Variants in ZNF292 observed in about 807,000 individuals in gnomAD.
ZNF292 encodes 16 zinc-finger domain protein.
In ZNF292, 26 loss-of-function variants were observed where a neutral mutation model predicts 217.9. That is an observed-to-expected ratio of 0.12 (90% confidence interval 0.09 to 0.17). The LOEUF (loss-of-function observed/expected upper bound fraction) is 0.17. Ranked by LOEUF, ZNF292 falls within the 10% of genes least tolerant of loss-of-function variation. The probability of loss-of-function intolerance (pLI) is 1.00; values close to 1 mark genes in which losing one functional copy is unlikely to be tolerated. For missense variants in ZNF292, 2,904 were observed against 3,175.2 expected, an observed-to-expected ratio of 0.91 and a Z score of 2.05; for synonymous variants, 1,257 against 1,124.1, an observed-to-expected ratio of 1.12 and a Z score of -2.37.
intron 1 of ZNF292, among the ~76,000 whole-genome samples, chr6:87,215,590 C>T (rs947800946): frequency 7.2e-5 from 11 of 152,054 alleles, no homozygotes; most frequent in African/African-American, 2.4e-4. Flanking sequence ...GTTACTTGCT[C>T]AGATGTCTTT....
At chr6:87,186,774 G>A (rs565708282) in intron 1 of ZNF292, among the ~76,000 whole-genome samples, 51 of 152,168 alleles carry the variant, frequency 3.4e-4, no homozygotes, top group Non-Finnish European at 4.9e-4. Context: ...CAGGTGATTC[G>A]GAGGAAGGAT....
intron 1 of ZNF292, among the ~76,000 whole-genome samples, chr6:87,185,657 T>C (rs12664578): frequency 0.63 from 95,800 of 151,956 alleles, 31,787 homozygotes; most frequent in African/African-American, 0.85. Context: ...TTGATAGAGA[T>C]GGGGTTTCAC....
chr6:87,192,790 T>A (rs1483638828), intron 1 of ZNF292, among the ~76,000 whole-genome samples: 1 of 152,208 alleles, frequency 6.6e-6, no homozygotes, highest in East Asian at 1.9e-4. Context: ...TCTCTACTGA[T>A]GAACGTTTAC....
intron 5 of ZNF292, among the ~76,000 whole-genome samples, 200 bp from the exon 6 acceptor site, chr6:87,243,271 TAAAG>T (rs1262114801): frequency 7.2e-6 from 1 of 138,724 alleles, no homozygotes; most frequent in Non-Finnish European, 1.5e-5. Flanking sequence ...CTACTGGCTA[TAAAG>T]AAAGGTTTTT....
chr6:87,259,047 A>T lies in ZNF292; in HGVS notation c.5418A>T (p.Leu1806Phe). 1.9e-6 allele frequency: 3 copies of T among 1,613,504 alleles called. No homozygotes were observed. The highest frequency in any genetic ancestry group is 1.7e-4 in the Middle Eastern group (1 of 6,060). ...TAAACACTGTGCAAAATAACAAATT[A>T]CCCGATTCTTCTCCGTTTTCCTCCT... ...PSVNTVQNNK[L>F]PDSSPFSSFI... The change falls in exon 8 of 8, where the codon TTA (leucine) becomes TTT (phenylalanine). Residue 1806 changes from leucine (L) to phenylalanine (F), a missense_variant. This residue lies in a region of ZNF292 where 622 missense variants were observed against 573.1 expected (regional missense o/e 1.09). Coordinates refer to ENST00000369577, the MANE Select transcript of ZNF292 (RefSeq NM_015021.3).
In ZNF292 at chr6:87,260,686, G is replaced by C. The variant is rs1241676648; in HGVS notation, c.7057G>C (p.Glu2353Gln). ...NKNAKIVQIE[E>Q]NKPYSLKRGK... ...GAATGCAAAGATTGTGCAGATTGAA[G>C]AAAATAAGCCTTATTCTCTGAAACG... Residue 2353 changes from glutamate to glutamine, a missense_variant, in exon 8 of 8, where the codon GAA becomes CAA. By Grantham distance (29) the Glu-to-Gln change is conservative. Around this residue, in one of 15 missense-constraint regions of ZNF292, gnomAD observed 101 missense variants for 89.5 expected, o/e 1.13. Transcript: ENST00000369577. The C allele has an allele frequency of 1.2e-6, 2 of 1,612,646 alleles. No homozygotes were observed. The highest frequency in any genetic ancestry group is 1.1e-5 in the South Asian group (1 of 90,832).
Position 87,256,740 on chromosome 6 carries a change from A to C in ZNF292, c.3111A>C (p.Ala1037=), listed in dbSNP as rs1186306059. ...NLMTFSVQNQ[A]AFQNNLPTSK... Reference sequence around the variant, plus strand: ...TGACCTTTTCTGTGCAAAATCAGGCAGCATTTCAAAACAATTTACCAACTT... The same window carrying C: ...TGACCTTTTCTGTGCAAAATCAGGCCGCATTTCAAAACAATTTACCAACTT... The change falls in exon 8 of 8, where the codon GCA becomes GCC. Residue 1037 remains alanine, a synonymous_variant. Coordinates refer to ENST00000369577, the MANE Select transcript of ZNF292 (RefSeq NM_015021.3). 1.2e-6 allele frequency: 2 copies of C among 1,612,544 alleles called. No homozygotes were observed.
chr6:87,178,090 C>G (rs1771358875), intron 1 of ZNF292, among the ~76,000 whole-genome samples: 1 of 152,104 alleles, frequency 6.6e-6, no homozygotes, highest in African/African-American at 2.4e-5. Context: ...TTGCTTTAGT[C>G]TATGGTAAGG....
chr6:87,226,020 A>G (rs1055669527), intron 4 of ZNF292, among the ~76,000 whole-genome samples: 1 of 152,056 alleles, frequency 6.6e-6, no homozygotes, highest in East Asian at 1.9e-4. Context: ...CTTGGTCTTA[A>G]ACCTGTTTTT....
Position 87,254,855 on chromosome 6 carries a change from T to C in ZNF292, c.1226T>C (p.Leu409Ser), listed in dbSNP as rs1775125009. The change falls in exon 8 of 8, where the codon TTG becomes TCG. Residue 409 changes from leucine (L) to serine (S), a missense_variant. Physicochemically the swap from Leu to Ser is moderately radical, Grantham distance 145. Coordinates refer to ENST00000369577, the MANE Select transcript of ZNF292 (RefSeq NM_015021.3). ...GATGCGTATTATGCTGTGGAAATGT[T>C]GTATAATCAGCCAGACCAGAAATAT... ...TVDAYYAVEM[L>S]YNQPDQKYDE... is the part of the protein sequence containing the mutation. The C allele has an allele frequency of 6.2e-7, 1 of 1,613,858 alleles. No homozygotes were observed.
At chr6:87,193,736 A>G (rs534269303) in intron 1 of ZNF292, among the ~76,000 whole-genome samples, 2 of 152,338 alleles carry the variant, frequency 1.3e-5, no homozygotes, top group East Asian at 3.9e-4. Context: ...ATTTAAAAAC[A>G]TTATATAAAA....
intron 4 of ZNF292, among the ~76,000 whole-genome samples, chr6:87,231,579 G>C (rs2127822268): frequency 6.6e-6 from 1 of 152,254 alleles, no homozygotes; most frequent in South Asian, 2.1e-4. Flanking sequence ...ATCATTAAGA[G>C]ACAAACAAAA....
At chr6:87,211,430 A>G (rs988910034) in intron 1 of ZNF292, among the ~76,000 whole-genome samples, 1 of 149,068 alleles carries the variant, frequency 6.7e-6, no homozygotes, top group Non-Finnish European at 1.5e-5. Context: ...GTCAATTTTT[A>G]TTTCTCCAGA....
chr6:87,259,732 A>G lies in ZNF292; in HGVS notation c.6103A>G (p.Asn2035Asp), dbSNP rs772144518. ...LRAETQNTHS[N>D]VAVIPEKQLV... The stretch of plus-strand genomic sequence containing the variant: ...AGCAGAGACCCAAAATACCCACAGT[A>G]ATGTAGCAGTGATCCCAGAAAAACA... Residue 2035 changes from asparagine (N) to aspartate (D), a missense_variant, in exon 8 of 8, where the codon AAT becomes GAT. Coordinates refer to ENST00000369577, the MANE Select transcript of ZNF292 (RefSeq NM_015021.3). 60 of 1,603,918 alleles carry G rather than the reference A, an allele frequency of 3.7e-5. No individual in the cohort carries two copies. Among genetic ancestry groups the G allele is most frequent in the Non-Finnish European group, 5.0e-5 (59 of 1,175,028 alleles).
intron 1 of ZNF292, chr6:87,174,011 G>A: frequency 3.8e-6 from 1 of 264,912 alleles, no homozygotes; most frequent in Non-Finnish European, 7.6e-6. Context: ...AGATTAATGT[G>A]TCCTTGATCA....
chr6:87,174,068 G>A (rs1253490106), intron 1 of ZNF292: 5 of 218,530 alleles, frequency 2.3e-5, no homozygotes, highest in Non-Finnish European at 3.7e-5. Flanking sequence ...TATATGCAAT[G>A]GGGACACCTA....
Position 87,255,836 on chromosome 6 carries a change from A to G in ZNF292, c.2207A>G (p.His736Arg), listed in dbSNP as rs2127859376. 1.2e-6 allele frequency: 2 copies of G among 1,613,862 alleles called. No individual in the cohort carries two copies. The highest frequency in any genetic ancestry group is 1.7e-5 in the Admixed American group (1 of 59,980). ...YCRRHFVSVT[H>R]LNDHLQMHCG... ...AGGCGGCATTTTGTGAGTGTTACTCATCTCAATGATCACTTACAGATGCAC... is the reference window on the plus strand; with the variant it reads ...AGGCGGCATTTTGTGAGTGTTACTCGTCTCAATGATCACTTACAGATGCAC... The change falls in exon 8 of 8, where the codon CAT becomes CGT. Residue 736 changes from histidine (H) to arginine (R), a missense_variant. Around this residue, in one of 15 missense-constraint regions of ZNF292, gnomAD observed 216 missense variants for 308.3 expected, o/e 0.70. Transcript: ENST00000369577.
chr6:87,194,815 G>C (rs553368449), intron 1 of ZNF292, among the ~76,000 whole-genome samples: 237 of 152,098 alleles, frequency 1.6e-3, no homozygotes, highest in African/African-American at 5.5e-3. Context: ...TTAGGAAATA[G>C]AATCCAGCAA....
At chr6:87,237,046 G>C (rs1773939451) in intron 5 of ZNF292, among the ~76,000 whole-genome samples, 1 of 152,162 alleles carries the variant, frequency 6.6e-6, no homozygotes, top group Non-Finnish European at 1.5e-5. Context: ...CTCCAGAAAA[G>C]ATTATGGCAA....
Sources: allele counts gnomAD v4.1 joint callset (sites outside exome capture counted in the v4.1 genomes callset), GRCh38; gene constraint gnomAD v4.1.1; regional missense constraint gnomAD v4.1.1; transcripts MANE v1.5; gene names NCBI Gene and HGNC (gene_info 2026-07-23, HGNC 2026-07-21).